The following KIAA1328 variants were observed in gnomAD, a reference collection of about 807,000 sequenced individuals.
KIAA1328 encodes the protein protein hinderin.
In KIAA1328, 52 loss-of-function variants were observed where a neutral mutation model predicts 68.1. The ratio of observed to expected loss-of-function variants is 0.76; its 90% CI spans 0.61 to 0.96. The LOEUF (loss-of-function observed/expected upper bound fraction) is 0.96, where lower values mean the gene tolerates loss of function less well. Among genes scored for constraint, KIAA1328 ranks in the 40% least tolerant of loss-of-function variants. The pLI, the probability that KIAA1328 is intolerant of heterozygous loss-of-function variation, is 0.00. For synonymous variants in KIAA1328, 232 were observed against 239.4 expected (o/e 0.97, Z 0.28); for missense variants, 641 against 677.6 (o/e 0.95, Z 0.60).
In KIAA1328 at chr18:36,853,939, T is replaced by C. The variant is rs371236689; in HGVS notation, c.332+9637T>C. Among the ~76,000 whole-genome samples the C allele has an allele frequency of 1.3e-3, 197 of 152,340 alleles. 2 individuals are homozygous for C. The South Asian group carries it at 0.038, about 30-fold the overall frequency. On this transcript the variant is annotated intron_variant, in intron 4 of 9. Transcript: ENST00000280020. ...TCCCAAAGTGCTGGGATTATAGGCG[T>C]GAGCCACTGCACCCGGCCCACTGTG...
downstream of KIAA1328, among the ~76,000 whole-genome samples, chr18:37,227,791 G>T (rs1263262675): frequency 6.6e-6 from 1 of 152,192 alleles, no homozygotes; most frequent in Non-Finnish European, 1.5e-5. Flanking sequence ...GGATCAAGGA[G>T]TAATTTCAAC....
chr18:36,840,199 T>C (rs1600933550), intron 3 of KIAA1328, among the ~76,000 whole-genome samples: 2 of 152,298 alleles, frequency 1.3e-5, no homozygotes, highest in Admixed American at 6.5e-5. Context: ...GCTCGCCTTG[T>C]TTGTTTCTGC....
At chr18:36,975,176 ATTTTTTTTTTT>A (rs751805080) in intron 6 of KIAA1328, among the ~76,000 whole-genome samples, 1 of 114,942 alleles carries the variant, frequency 8.7e-6, no homozygotes, top group East Asian at 2.5e-4. Flanking sequence ...ACAAGCTACA[ATTTTTTTTTTT>A]TTTTTTTTTT....
chr18:37,205,299 G>C (rs536195708), intron 9 of KIAA1328, among the ~76,000 whole-genome samples: 3 of 152,332 alleles, frequency 2.0e-5, no homozygotes, highest in Non-Finnish European at 4.4e-5. Context: ...CGTGGGGATA[G>C]TGCCAAAGGT....
chr18:36,934,803 G>C (rs1238509416), intron 5 of KIAA1328, among the ~76,000 whole-genome samples: 2 of 152,092 alleles, frequency 1.3e-5, no homozygotes, highest in Non-Finnish European at 2.9e-5. Context: ...AGGTGACAAA[G>C]ACAAAGCTTG....
chr18:36,893,459 GTGTTTT>G (rs1568132340), intron 5 of KIAA1328, among the ~76,000 whole-genome samples: 3 of 133,026 alleles, frequency 2.3e-5, no homozygotes, highest in East Asian at 2.2e-4. Flanking sequence ...GTGTGTGTGT[GTGTTTT>G]TGTGTGTGTG....
chr18:37,202,204 T>G (rs1173873742), intron 9 of KIAA1328, among the ~76,000 whole-genome samples: 3 of 152,118 alleles, frequency 2.0e-5, no homozygotes, highest in Admixed American at 2.0e-4. Context: ...AAAAGAAAAT[T>G]TTCTTGATTC....
intron 7 of KIAA1328, among the ~76,000 whole-genome samples, chr18:37,156,198 G>T (rs1469957271): frequency 6.6e-6 from 1 of 152,012 alleles, no homozygotes; most frequent in East Asian, 1.9e-4. Context: ...CCTGAGGTCG[G>T]GAGTTCGAGA....
At chr18:36,934,190 C>A (rs2050416429) in intron 5 of KIAA1328, among the ~76,000 whole-genome samples, 1 of 152,182 alleles carries the variant, frequency 6.6e-6, no homozygotes, top group Non-Finnish European at 1.5e-5. Flanking sequence ...CAACCCTGTG[C>A]AGGCAGCTTC....
chr18:36,927,455 G>T (rs1277042180), intron 5 of KIAA1328, among the ~76,000 whole-genome samples: 1 of 152,108 alleles, frequency 6.6e-6, no homozygotes, highest in Non-Finnish European at 1.5e-5. Flanking sequence ...GTGCTTTAAG[G>T]GAAGAAAGAA....
At chr18:37,102,473 G>T (rs767302688) in intron 7 of KIAA1328, among the ~76,000 whole-genome samples, 3 of 151,886 alleles carry the variant, frequency 2.0e-5, no homozygotes, top group African/African-American at 7.3e-5. Flanking sequence ...ACAAAACAAC[G>T]GATAAAGACC....
At chr18:37,042,810 C>T (rs1964623701) in intron 6 of KIAA1328, among the ~76,000 whole-genome samples, 2 of 152,160 alleles carry the variant, frequency 1.3e-5, no homozygotes, top group African/African-American at 4.8e-5. Flanking sequence ...TTGACTATAA[C>T]TTTTCCAAAT....
At chr18:36,983,455 A>G (rs1461097258) in intron 6 of KIAA1328, among the ~76,000 whole-genome samples, 1 of 152,102 alleles carries the variant, frequency 6.6e-6, no homozygotes, top group Admixed American at 6.6e-5. Flanking sequence ...CCACAATTAT[A>G]CTTGATTTCA....
Position 37,067,391 on chromosome 18 carries a change from AAGC to A in KIAA1328, c.1081_1083del (p.Gln361del), listed in dbSNP as rs2056378988. 5.0e-6 allele frequency: 8 copies of A among 1,613,334 alleles called. No homozygotes were observed. Among genetic ancestry groups the A allele is most frequent in the Non-Finnish European group, 6.8e-6 (8 of 1,179,598 alleles). ...ACTGCAACCCATTGAAACTTTGAAAAAGCAGATCTCAGAAGATAGAAAGCAGCA... is the reference window on the plus strand; with the variant it reads ...ACTGCAACCCATTGAAACTTTGAAAAAGATCTCAGAAGATAGAAAGCAGCA... On this transcript the variant is annotated inframe_deletion, in exon 7 of 10. Transcript: ENST00000280020.
intron 6 of KIAA1328, among the ~76,000 whole-genome samples, chr18:37,048,343 G>T (rs1190101775): frequency 1.3e-5 from 2 of 152,198 alleles, no homozygotes; most frequent in East Asian, 3.9e-4. Flanking sequence ...TGAATGTAAT[G>T]CTGTATGTCT....
At chr18:37,098,460 G>T (rs563920912) in intron 7 of KIAA1328, among the ~76,000 whole-genome samples, 1 of 152,292 alleles carries the variant, frequency 6.6e-6, no homozygotes, top group East Asian at 1.9e-4. Flanking sequence ...TTGATGTGCT[G>T]CTGGATTCGG....
At chr18:37,143,547 T>G (rs2058827091) in intron 7 of KIAA1328, among the ~76,000 whole-genome samples, 1 of 145,526 alleles carries the variant, frequency 6.9e-6, no homozygotes, top group African/African-American at 2.6e-5. Context: ...TTTTTTTGCT[T>G]ATTTTATTGT....
chr18:37,004,804 C>T (rs541663510), intron 6 of KIAA1328, among the ~76,000 whole-genome samples: 2 of 152,198 alleles, frequency 1.3e-5, no homozygotes, highest in South Asian at 4.1e-4. Context: ...TGCACATGCA[C>T]GTTTATAACA....
At position 37,121,403 on chromosome 18, in the gene KIAA1328, A is replaced by T. The variant is rs1457386887; in HGVS notation, c.1233-38797A>T. ...GACATAATTCTAAAGAAAGTGTGCC[A>T]TCATTTTAGGACTTCTATCTATCTA... On this transcript the variant is annotated intron_variant, in intron 7 of 9. Coordinates refer to ENST00000280020, the MANE Select transcript of KIAA1328 (RefSeq NM_020776.3). 2.0e-5 allele frequency among the ~76,000 whole-genome samples: 3 copies of T among 151,388 alleles called. No individual in the cohort carries two copies. The East Asian group carries it at 5.8e-4, about 29-fold the overall frequency.
Sources: allele counts gnomAD v4.1 joint callset (sites outside exome capture counted in the v4.1 genomes callset), GRCh38; gene constraint gnomAD v4.1.1; transcripts MANE v1.5; gene names NCBI Gene and HGNC (gene_info 2026-07-23, HGNC 2026-07-21).